The following NFIB variants were observed in gnomAD, a reference collection of about 807,000 sequenced individuals.
The protein encoded by NFIB is nuclear factor 1 B-type.
A neutral mutation model predicts 61.5 loss-of-function variants in NFIB; 11 were observed. That is an observed-to-expected ratio of 0.18 (90% CI 0.11 to 0.30). NFIB has a LOEUF of 0.30. Among genes scored for constraint, NFIB ranks in the 10% least tolerant of loss-of-function variants. The pLI is 1.00. For synonymous variants in NFIB, 260 were observed against 216.5 expected, an observed-to-expected ratio of 1.20 and a Z score of -1.76; for missense variants, 471 against 608.9, an observed-to-expected ratio of 0.77 and a Z score of 2.38.
intron 6 of NFIB, among the ~76,000 whole-genome samples, chr9:14,145,870 A>AT (rs780880679): frequency 5.3e-5 from 8 of 151,418 alleles, no homozygotes; most frequent in East Asian, 1.9e-4. Context: ...CCCAGGCTAG[A>AT]TTTTTTTTAA....
the NFIB span, among the ~76,000 whole-genome samples, chr9:14,442,379 T>C: frequency 6.6e-6 from 1 of 152,152 alleles, no homozygotes; most frequent in South Asian, 2.1e-4. Context: ...GTTGAGAGGA[T>C]CAAATGAGCA....
At chr9:14,433,252 CTT>C in the NFIB span, among the ~76,000 whole-genome samples, 1 of 152,146 alleles carries the variant, frequency 6.6e-6, no homozygotes. Context: ...AAACCCCAGT[CTT>C]TTGGAAAATG....
chr9:14,317,565 A>G (rs1030773442), upstream of NFIB, among the ~76,000 whole-genome samples: 9 of 152,254 alleles, frequency 5.9e-5, no homozygotes, highest in East Asian at 1.9e-4. Context: ...AGGAATGAAG[A>G]GTGAGCAACA....
intron 1 of NFIB, among the ~76,000 whole-genome samples, chr9:14,331,585 C>T (rs571212535): frequency 6.6e-6 from 1 of 152,234 alleles, no homozygotes; most frequent in South Asian, 2.1e-4. Context: ...GGGTTGAAAA[C>T]GAGGCATGTC....
chr9:14,230,567 G>A (rs2052999461), intron 2 of NFIB, among the ~76,000 whole-genome samples: 1 of 152,114 alleles, frequency 6.6e-6, no homozygotes, highest in East Asian at 1.9e-4. Context: ...ATAATTTCAG[G>A]CACATAGTAC....
intron 2 of NFIB, among the ~76,000 whole-genome samples, chr9:14,234,443 C>G (rs1023805000): frequency 9.2e-5 from 14 of 151,444 alleles, no homozygotes; most frequent in African/African-American, 3.4e-4. Flanking sequence ...GATCTCGGCT[C>G]ACTGCAACCT....
intron 1 of NFIB, among the ~76,000 whole-genome samples, chr9:14,359,580 A>G (rs1390977343): frequency 6.6e-6 from 1 of 152,194 alleles, no homozygotes; most frequent in African/African-American, 2.4e-5. Flanking sequence ...ATGTGAGATA[A>G]TCAATTTCTT....
chr9:14,431,808 T>A, the NFIB span, among the ~76,000 whole-genome samples: 507 of 152,292 alleles, frequency 3.3e-3, 5 homozygotes, highest in Non-Finnish European at 3.8e-3. Context: ...AGTGCTCCCC[T>A]GGTCCAAGCA....
the NFIB span, among the ~76,000 whole-genome samples, chr9:14,452,496 G>GGAAAA: frequency 0.023 from 3,055 of 134,006 alleles, 280 homozygotes; most frequent in Non-Finnish European, 0.032. Flanking sequence ...GGAAAGGAAA[G>GGAAAA]GAAAGGAAAG....
chr9:14,206,145 T>C (rs2049669665), intron 2 of NFIB, among the ~76,000 whole-genome samples: 1 of 151,930 alleles, frequency 6.6e-6, no homozygotes, highest in Non-Finnish European at 1.5e-5. Flanking sequence ...AAAATATTTC[T>C]AGTTCACTAG....
chr9:14,510,468 C>G, the NFIB span, among the ~76,000 whole-genome samples: 1 of 152,060 alleles, frequency 6.6e-6, no homozygotes, highest in Non-Finnish European at 1.5e-5. Flanking sequence ...TTGTTTTAAA[C>G]CAAAATCTTG....
chr9:14,508,229 G>T, the NFIB span, among the ~76,000 whole-genome samples: 5 of 152,100 alleles, frequency 3.3e-5, no homozygotes, highest in African/African-American at 1.2e-4. Context: ...ATATGTGTTT[G>T]TGTATGTGTG....
chr9:14,125,841 T>A (rs972041871), intron 6 of NFIB, 75 bp from the exon 7 acceptor site: 2 of 1,550,870 alleles, frequency 1.3e-6, no homozygotes, highest in African/African-American at 2.8e-5. Context: ...AAATGACAGA[T>A]CTCATCTTGC....
At chr9:14,426,365 C>T in the NFIB span, among the ~76,000 whole-genome samples, 5 of 152,156 alleles carry the variant, frequency 3.3e-5, no homozygotes, top group African/African-American at 1.2e-4. Flanking sequence ...AGGCTTTTCT[C>T]ATACTTTTAT....
intron 3 of NFIB, among the ~76,000 whole-genome samples, chr9:14,171,188 C>T (rs1421696222): frequency 6.6e-6 from 1 of 152,226 alleles, no homozygotes; most frequent in East Asian, 1.9e-4. Flanking sequence ...TGACTCACTA[C>T]TTATGAACCT....
chr9:14,117,290 G>C (rs966152733), intron 8 of NFIB, among the ~76,000 whole-genome samples: 4 of 152,066 alleles, frequency 2.6e-5, no homozygotes, highest in African/African-American at 9.7e-5. Flanking sequence ...TAGCTCCTGG[G>C]TACAAAAATA....
the NFIB span, among the ~76,000 whole-genome samples, chr9:14,427,934 G>GTTTTTTTTTTTTTTTT: frequency 1.6e-3 from 42 of 25,930 alleles, 4 homozygotes; most frequent in South Asian, 2.6e-3. Flanking sequence ...CTTTAATTCA[G>GTTTTTTTTTTTTTTTT]TTGTTTTTTT....
intron 2 of NFIB, among the ~76,000 whole-genome samples, chr9:14,197,364 AAC>A (rs2131600618): frequency 2.9e-5 from 1 of 33,908 alleles, no homozygotes; most frequent in Non-Finnish European, 5.7e-5. Context: ...GGATGTCCCT[AAC>A]ACACTGTACT....
intron 5 of NFIB, among the ~76,000 whole-genome samples, chr9:14,147,296 C>T (rs7851808): frequency 0.99 from 151,290 of 152,226 alleles, 75,187 homozygotes; most frequent in Middle Eastern, 1. Flanking sequence ...TTATGAATTG[C>T]TAATAGTAAG....
Sources: allele counts gnomAD v4.1 joint callset (sites outside exome capture counted in the v4.1 genomes callset), GRCh38; gene constraint gnomAD v4.1.1; transcripts MANE v1.5; gene names NCBI Gene and HGNC (gene_info 2026-07-23, HGNC 2026-07-21).